IFT43: variants seen among roughly 807,000 people sequenced by gnomAD.
IFT43 encodes the protein intraflagellar transport 43, also known as intraflagellar transport protein 43 homolog.
In IFT43, 33 loss-of-function variants were observed where a neutral mutation model predicts 32.3. The observed-to-expected ratio is 1.02, with a 90% CI of 0.77 to 1.37. The LOEUF is 1.37. Ranked by LOEUF, IFT43 falls within the 40% of genes most tolerant of loss-of-function variation. IFT43 has a pLI of 0.00. For synonymous variants in IFT43, 93 were observed against 98.2 expected (o/e 0.95, Z 0.31); for missense variants, 274 against 265.9 (o/e 1.03, Z -0.21).
intron 1 of IFT43, among the ~76,000 whole-genome samples, chr14:75,987,269 G>C (rs1205720975): frequency 6.6e-6 from 1 of 152,160 alleles, no homozygotes; most frequent in African/African-American, 2.4e-5. Context: ...TGAAGGGATG[G>C]AATTGTCTGA....
At chr14:76,041,750 G>GT (rs11364939) in intron 3 of IFT43, among the ~76,000 whole-genome samples, 9 of 151,654 alleles carry the variant, frequency 5.9e-5, no homozygotes, top group Non-Finnish European at 1.0e-4. Flanking sequence ...AAAAGTCTGT[G>GT]TTTTTTTTTT....
At chr14:76,026,950 A>G (rs1330425063) in intron 3 of IFT43, among the ~76,000 whole-genome samples, 1 of 152,230 alleles carries the variant, frequency 6.6e-6, no homozygotes, top group African/African-American at 2.4e-5. Context: ...ATGGAGCTGC[A>G]GGCCACTATC....
chr14:75,986,612 T>C (rs1256662404), intron 1 of IFT43, among the ~76,000 whole-genome samples: 1 of 152,198 alleles, frequency 6.6e-6, no homozygotes, highest in African/African-American at 2.4e-5. Flanking sequence ...AGAGGTTAGC[T>C]ACTGCTGCCT....
At chr14:76,075,064 G>T (rs2037388843) in intron 5 of IFT43, among the ~76,000 whole-genome samples, 1 of 152,180 alleles carries the variant, frequency 6.6e-6, no homozygotes, top group South Asian at 2.1e-4. Flanking sequence ...GCAGAACAGG[G>T]CCTCCTCTCT....
intron 2 of IFT43, among the ~76,000 whole-genome samples, chr14:76,021,515 G>A (rs1189401860): frequency 1.3e-5 from 2 of 152,104 alleles, no homozygotes; most frequent in Non-Finnish European, 2.9e-5. Flanking sequence ...TATACTTACT[G>A]TTTGGTAACA....
At position 75,999,260 on chromosome 14, in the gene IFT43, T is replaced by TTC. The variant is rs2035824507; in HGVS notation, c.147+10283_147+10284insTC. Among the ~76,000 whole-genome samples, 11 of 19,762 alleles carry TTC rather than the reference T, an allele frequency of 5.6e-4. 1 individual carries two copies. Among genetic ancestry groups the TTC allele is most frequent in the Admixed American group, 2.5e-3 (4 of 1,616 alleles). The allele number at this position is 19,762 out of a possible 152,430, so 13.0% of individuals were successfully genotyped here. ...ATATATATATATATATATATATATA[T>TTC]ATATATATATATGTATATATATTTT... On this transcript the variant is annotated intron_variant, in intron 2 of 8. Transcript: ENST00000314067.
intron 3 of IFT43, among the ~76,000 whole-genome samples, chr14:76,033,449 G>A (rs535529886): frequency 6.6e-6 from 1 of 152,308 alleles, no homozygotes; most frequent in South Asian, 2.1e-4. Flanking sequence ...GCTTGGAAAG[G>A]CTGGGTAAGT....
intron 2 of IFT43, among the ~76,000 whole-genome samples, chr14:75,994,554 G>A (rs944882050): frequency 3.9e-5 from 6 of 152,056 alleles, no homozygotes; most frequent in Admixed American, 2.6e-4. Context: ...CACGGTATCC[G>A]GCACACAGAA....
chr14:76,011,561 A>T (rs1000976366), intron 2 of IFT43, among the ~76,000 whole-genome samples: 5 of 152,220 alleles, frequency 3.3e-5, no homozygotes, highest in East Asian at 3.8e-4. Context: ...ATATGGGTTG[A>T]TTCTTTGGCA....
chr14:76,075,456 CTTTCCCTTTTCT>C (rs1407367523), intron 5 of IFT43, among the ~76,000 whole-genome samples: 4 of 152,230 alleles, frequency 2.6e-5, no homozygotes, highest in Non-Finnish European at 4.4e-5. Flanking sequence ...TTGCCTCCTG[CTTTCCCTTTTCT>C]TTTCCCTTTT....
At chr14:76,082,143 T>C (rs1219069888) in intron 5 of IFT43, 152 bp from the exon 6 acceptor site, 2 of 772,194 alleles carry the variant, frequency 2.6e-6, no homozygotes, top group East Asian at 4.9e-5. Context: ...ACTCCACCTT[T>C]GATCCTACCC....
At chr14:76,060,214 A>G (rs933422602) in intron 5 of IFT43, among the ~76,000 whole-genome samples, 6 of 151,586 alleles carry the variant, frequency 4.0e-5, no homozygotes, top group Admixed American at 3.3e-4. Context: ...TATTATTGTT[A>G]TTATTATTAT....
intron 2 of IFT43, chr14:76,014,232 A>G (rs541722318): frequency 9.8e-4 from 179 of 182,664 alleles, no homozygotes; most frequent in African/African-American, 3.9e-3. Flanking sequence ...ATGTGCTACC[A>G]CCTGGCATTC....
At chr14:76,026,900 C>CA (rs200640944) in intron 3 of IFT43, among the ~76,000 whole-genome samples, 1,897 of 151,654 alleles carry the variant, frequency 0.013, 48 homozygotes, top group African/African-American at 0.043. Context: ...AGTATGTAGC[C>CA]AAAAAAAAGA....
chr14:76,010,211 C>T (rs1455079614), intron 2 of IFT43, among the ~76,000 whole-genome samples: 1 of 152,190 alleles, frequency 6.6e-6, no homozygotes, highest in Admixed American at 6.5e-5. Flanking sequence ...GCACCTTCCT[C>T]CGTCACCTGT....
intron 2 of IFT43, among the ~76,000 whole-genome samples, chr14:75,999,255 ATATATATATATATATATGTATATATATTT>A (rs2035821722): frequency 9.5e-5 from 1 of 10,512 alleles, no homozygotes; most frequent in South Asian, 4.0e-3. Context: ...ATATATATAT[ATATATATATATATATATGTATATATATTT>A]TTTTTTTTTT....
At chr14:76,040,736 G>A (rs1377908560) in intron 3 of IFT43, among the ~76,000 whole-genome samples, 2 of 152,206 alleles carry the variant, frequency 1.3e-5, no homozygotes, top group Non-Finnish European at 2.9e-5. Context: ...CCCTGCTGCA[G>A]CAGCATTTGG....
chr14:76,059,265 G>A, intron 4 of IFT43, 62 bp from the exon 5 acceptor site: 1 of 1,613,210 alleles, frequency 6.2e-7, no homozygotes, highest in Non-Finnish European at 8.5e-7. Context: ...AAACATTTGG[G>A]ATGTTCCTTT....
At chr14:76,063,058 A>T (rs2037171753) in intron 5 of IFT43, among the ~76,000 whole-genome samples, 1 of 152,088 alleles carries the variant, frequency 6.6e-6, no homozygotes, top group Non-Finnish European at 1.5e-5. Flanking sequence ...TCAAAGCTTC[A>T]TTAGGGCAGG....
Sources: gnomAD v4.1 joint callset for allele counts (sites outside exome capture counted in the v4.1 genomes callset) on GRCh38, gnomAD v4.1.1 for gene constraint, MANE v1.5 for transcripts, NCBI Gene and HGNC (gene_info 2026-07-23, HGNC 2026-07-21) for gene names.